The following SGCZ variants were observed in gnomAD, a reference collection of about 807,000 sequenced individuals.
The protein encoded by SGCZ is sarcoglycan zeta.
A neutral mutation model predicts 41.3 loss-of-function variants in SGCZ; 40 were observed. The ratio of observed to expected loss-of-function variants is 0.97; its 90% CI spans 0.75 to 1.26. SGCZ has a LOEUF of 1.26. Among genes scored for constraint, SGCZ ranks in the 50% most tolerant of loss-of-function variants. The pLI is 0.00. For synonymous variants in SGCZ, 206 were observed against 137.5 expected (o/e 1.50, Z -3.49); for missense variants, 552 against 369.8 (o/e 1.49, Z -4.04).
intron 1 of SGCZ, among the ~76,000 whole-genome samples, chr8:14,599,834 T>C (rs1171452590): frequency 2.6e-5 from 4 of 152,286 alleles, no homozygotes; most frequent in East Asian, 3.9e-4. Context: ...ATGCAATATA[T>C]TTTTCCATCA....
intron 1 of SGCZ, among the ~76,000 whole-genome samples, chr8:14,860,537 T>C (rs532540635): frequency 2.6e-4 from 18 of 69,212 alleles, no homozygotes; most frequent in African/African-American, 9.3e-4. Flanking sequence ...AAGGAAAGAA[T>C]GAAAGAAAGA....
intron 4 of SGCZ, among the ~76,000 whole-genome samples, chr8:14,215,918 A>C (rs1805978337): frequency 6.6e-6 from 1 of 152,236 alleles, no homozygotes; most frequent in African/African-American, 2.4e-5. Flanking sequence ...GAAGGAATGC[A>C]CTCAGACACA....
At chr8:14,108,697 G>A (rs990090804) in intron 5 of SGCZ, among the ~76,000 whole-genome samples, 6 of 152,086 alleles carry the variant, frequency 3.9e-5, no homozygotes, top group Non-Finnish European at 8.8e-5. Flanking sequence ...AGGACACAGA[G>A]CCAAACCGTA....
At chr8:14,960,931 GCACACA>G (rs56258079) in intron 1 of SGCZ, among the ~76,000 whole-genome samples, 11,371 of 144,238 alleles carry the variant, frequency 0.079, 1,286 homozygotes, top group African/African-American at 0.26. Context: ...CAAGGAAATG[GCACACA>G]CACACACACA....
At chr8:15,023,725 CG>C (rs1323973170) in intron 1 of SGCZ, among the ~76,000 whole-genome samples, 3 of 152,186 alleles carry the variant, frequency 2.0e-5, no homozygotes, top group Non-Finnish European at 4.4e-5. Context: ...GAATAATCTT[CG>C]GTATGTTCAC....
rs1044994533 is a variant in SGCZ, at chr8:14,974,943, A to C, written c.39+262642T>G. On this transcript the variant is annotated intron_variant, in intron 1 of 7. Transcript: ENST00000382080. Reference sequence around the variant, plus strand: ...CAACTGTGGGAAATTTGAAATTCCCAGTAATCTGTTGGGAAAAGGGACTTA... The same window carrying C: ...CAACTGTGGGAAATTTGAAATTCCCCGTAATCTGTTGGGAAAAGGGACTTA... 6.6e-5 allele frequency among the ~76,000 whole-genome samples: 10 copies of C among 152,098 alleles called. 1 individual carries two copies. The highest frequency in any genetic ancestry group is 6.5e-4 in the Admixed American group (10 of 15,284).
At chr8:14,154,819 T>C (rs925921547) in intron 5 of SGCZ, among the ~76,000 whole-genome samples, 2 of 152,122 alleles carry the variant, frequency 1.3e-5, no homozygotes. Flanking sequence ...ATGGGCCACA[T>C]GTAGGTGTTC....
chr8:14,436,917 C>G (rs185495576), intron 2 of SGCZ, among the ~76,000 whole-genome samples: 24 of 151,856 alleles, frequency 1.6e-4, no homozygotes, highest in Admixed American at 1.5e-3. Flanking sequence ...AGAAATAAAG[C>G]TTTTCCCTTT....
At chr8:14,651,653 C>T (rs1241919167) in intron 1 of SGCZ, among the ~76,000 whole-genome samples, 1 of 152,016 alleles carries the variant, frequency 6.6e-6, no homozygotes, top group Non-Finnish European at 1.5e-5. Flanking sequence ...AATTTTTATG[C>T]ACAAATTTTG....
At chr8:14,735,958 C>G (rs1799016909) in intron 1 of SGCZ, among the ~76,000 whole-genome samples, 1 of 151,794 alleles carries the variant, frequency 6.6e-6, no homozygotes, top group African/African-American at 2.4e-5. Context: ...AAAAGTCTAC[C>G]AAATATTAAG....
At chr8:14,272,575 T>C (rs1263915232) in intron 3 of SGCZ, among the ~76,000 whole-genome samples, 1 of 152,210 alleles carries the variant, frequency 6.6e-6, no homozygotes, top group East Asian at 1.9e-4. Context: ...ATTAATTCCT[T>C]GCAAGCCTCC....
chr8:15,129,575 G>A (rs1563141073), intron 1 of SGCZ, among the ~76,000 whole-genome samples: 1 of 151,952 alleles, frequency 6.6e-6, no homozygotes. Flanking sequence ...AATAGCACTG[G>A]AAAATGTTTC....
chr8:14,823,095 C>A (rs1011423090), intron 1 of SGCZ, among the ~76,000 whole-genome samples: 2 of 144,408 alleles, frequency 1.4e-5, no homozygotes, highest in African/African-American at 2.6e-5. Context: ...GTGTAACTTT[C>A]GTGCAAAACA....
At chr8:14,627,718 G>C (rs770004336) in intron 1 of SGCZ, among the ~76,000 whole-genome samples, 17 of 151,396 alleles carry the variant, frequency 1.1e-4, no homozygotes, top group Non-Finnish European at 2.1e-4. Flanking sequence ...GATCTGTATA[G>C]GAAAAACATA....
At chr8:14,895,241 C>G (rs568043180) in intron 1 of SGCZ, among the ~76,000 whole-genome samples, 2 of 152,224 alleles carry the variant, frequency 1.3e-5, no homozygotes, top group South Asian at 2.1e-4. Context: ...GGTTCAAATC[C>G]TACCTCTGCC....
At chr8:14,360,782 T>C (rs573751199) in intron 2 of SGCZ, among the ~76,000 whole-genome samples, 1 of 152,288 alleles carries the variant, frequency 6.6e-6, no homozygotes, top group South Asian at 2.1e-4. Flanking sequence ...AGGTTTCCTG[T>C]GGGAACATTA....
Position 15,188,196 on chromosome 8 carries a change from G to C in SGCZ, c.39+49389C>G, listed in dbSNP as rs140038534. 2.6e-3 allele frequency among the ~76,000 whole-genome samples: 400 copies of C among 152,006 alleles called. 3 individuals carry two copies. The highest frequency in any genetic ancestry group is 9.3e-3 in the African/African-American group (384 of 41,494). On this transcript the variant is annotated intron_variant, in intron 1 of 7. Coordinates refer to ENST00000382080, the MANE Select transcript of SGCZ (RefSeq NM_139167.4). ...TTCATTGGAGTATTGTATCAAGTGG[G>C]ATTTCTACAAGTCAAATAAAATAAA... is the stretch of plus-strand genomic sequence containing the variant.
intron 5 of SGCZ, among the ~76,000 whole-genome samples, chr8:14,130,427 C>T (rs1803003479): frequency 6.6e-6 from 1 of 152,050 alleles, no homozygotes; most frequent in Non-Finnish European, 1.5e-5. Context: ...ACAGTCCTTC[C>T]TTCCACGATG....
chr8:14,186,440 C>T (rs552551253), intron 4 of SGCZ, among the ~76,000 whole-genome samples: 2 of 152,256 alleles, frequency 1.3e-5, no homozygotes, highest in East Asian at 3.9e-4. Flanking sequence ...CAGTATTTTC[C>T]CAGCAGAGGG....
Sources: allele counts gnomAD v4.1 joint callset (sites outside exome capture counted in the v4.1 genomes callset), GRCh38; gene constraint gnomAD v4.1.1; transcripts MANE v1.5; gene names NCBI Gene and HGNC (gene_info 2026-07-23, HGNC 2026-07-21).